MYO5A: variants seen among roughly 807,000 people sequenced by gnomAD.
The protein encoded by MYO5A is unconventional myosin-Va.
MYO5A carries 98 observed loss-of-function variants against 249.7 expected under a neutral mutation model. The ratio of observed to expected loss-of-function variants is 0.39; its 90% confidence interval spans 0.33 to 0.46. MYO5A has a LOEUF of 0.46. MYO5A is among the 20% of genes least tolerant of loss of function. The pLI, the probability that MYO5A is intolerant of heterozygous loss-of-function variation, is 0.98. For synonymous variants in MYO5A, 778 were observed against 810.6 expected (o/e 0.96, Z 0.68); for missense variants, 1,696 against 2,308.8 (o/e 0.73, Z 5.44).
chr15:52,324,938 G>T (rs1241199447), intron 36 of MYO5A, among the ~76,000 whole-genome samples: 1 of 152,060 alleles, frequency 6.6e-6, no homozygotes, highest in Non-Finnish European at 1.5e-5. Context: ...AAAGACCTAG[G>T]TATATAGTCT....
chr15:52,363,509 G>A (rs1233253579), intron 24 of MYO5A, among the ~76,000 whole-genome samples: 1 of 152,172 alleles, frequency 6.6e-6, no homozygotes, highest in Admixed American at 6.5e-5. Context: ...GGTGATGAGA[G>A]CCTATCTTTT....
intron 14 of MYO5A, chr15:52,387,610 C>T (rs1358982956): frequency 2.0e-6 from 1 of 503,444 alleles, no homozygotes; most frequent in Non-Finnish European, 3.6e-6. Context: ...GTCTCAGGTG[C>T]CTCATCCATA....
At chr15:52,340,636 G>A (rs1567034580) in intron 31 of MYO5A, among the ~76,000 whole-genome samples, 2 of 152,256 alleles carry the variant, frequency 1.3e-5, no homozygotes, top group East Asian at 3.9e-4. Flanking sequence ...AAACAGGAGA[G>A]TTTTAGTTCT....
At chr15:52,417,784 C>T (rs986172856) in intron 4 of MYO5A, among the ~76,000 whole-genome samples, 1 of 152,176 alleles carries the variant, frequency 6.6e-6, no homozygotes, top group African/African-American at 2.4e-5. Flanking sequence ...TACTGAATGA[C>T]CTTTGCCAGA....
chr15:52,507,743 G>A (rs775492057), intron 1 of MYO5A, among the ~76,000 whole-genome samples: 23 of 143,814 alleles, frequency 1.6e-4, no homozygotes, highest in Non-Finnish European at 3.1e-4. Context: ...GGTCGAGGCT[G>A]CAGTGAGCCA....
rs531394816 is a variant in MYO5A, at chr15:52,482,004, C to T, written c.27+46776G>A. On this transcript the variant is annotated intron_variant, in intron 1 of 41. Transcript: ENST00000399233. ...AAGAACATGATTCAGTCAGCAAGAA[C>T]TTGGCTCACTCAGCATGATAACTGG... Among the ~76,000 whole-genome samples the T allele has an allele frequency of 5.3e-5, 8 of 152,308 alleles. No homozygotes were observed. The East Asian group carries it at 1.5e-3, about 29-fold the overall frequency.
chr15:52,456,360 G>T lies in MYO5A; in HGVS notation c.28-23075C>A, dbSNP rs568628082. On this transcript the variant is annotated intron_variant, in intron 1 of 41. Transcript: ENST00000399233. Reference sequence around the variant, plus strand: ...GATATTCCATGCTTGTGGATGAAAAGACTTAATTTTGTTAAAATGCCAGTA... The same window carrying T: ...GATATTCCATGCTTGTGGATGAAAATACTTAATTTTGTTAAAATGCCAGTA... Among the ~76,000 whole-genome samples the T allele has an allele frequency of 3.3e-5, 5 of 152,176 alleles. No individual in the cohort carries two copies. The South Asian group carries it at 1.0e-3, about 32-fold the overall frequency.
chr15:52,471,865 A>G (rs1362607463), intron 1 of MYO5A, among the ~76,000 whole-genome samples: 1 of 151,642 alleles, frequency 6.6e-6, no homozygotes, highest in African/African-American at 2.4e-5. Context: ...TGCGTGGCGA[A>G]TTTTTTAATT....
intron 1 of MYO5A, among the ~76,000 whole-genome samples, chr15:52,494,221 C>T (rs1487885884): frequency 6.6e-6 from 1 of 152,098 alleles, no homozygotes; most frequent in African/African-American, 2.4e-5. Context: ...CAAAACATTC[C>T]CTATTACTAA....
chr15:52,325,301 AAG>A (rs1274847538), intron 36 of MYO5A, among the ~76,000 whole-genome samples: 1 of 152,152 alleles, frequency 6.6e-6, no homozygotes, highest in Non-Finnish European at 1.5e-5. Flanking sequence ...ACCTATACTG[AAG>A]AGTTACCAGA....
chr15:52,409,242 CA>C (rs1219404488), intron 6 of MYO5A, among the ~76,000 whole-genome samples: 1 of 152,006 alleles, frequency 6.6e-6, no homozygotes, highest in Non-Finnish European at 1.5e-5. Flanking sequence ...CCTGCTTACT[CA>C]CTTACCTATC....
At chr15:52,421,674 T>C (rs1269717000) in intron 4 of MYO5A, among the ~76,000 whole-genome samples, 1 of 152,156 alleles carries the variant, frequency 6.6e-6, no homozygotes. Flanking sequence ...CTCCCTACCA[T>C]GGTCTCCCCT....
intron 35 of MYO5A, 44 bp downstream of exon 35, chr15:52,330,309 C>T (rs202101578): frequency 1.5e-4 from 246 of 1,613,396 alleles, no homozygotes; most frequent in Middle Eastern, 3.3e-4. Context: ...CACCATTAAC[C>T]CATGTGCCAG....
At chr15:52,393,157 C>T (rs1427898550) in intron 11 of MYO5A, among the ~76,000 whole-genome samples, 2 of 152,160 alleles carry the variant, frequency 1.3e-5, no homozygotes, top group Non-Finnish European at 2.9e-5. Context: ...TTTCTGCCTT[C>T]CTTTACTTAT....
At chr15:52,432,882 C>G (rs879279846) in intron 2 of MYO5A, among the ~76,000 whole-genome samples, 1 of 152,112 alleles carries the variant, frequency 6.6e-6, no homozygotes, top group Non-Finnish European at 1.5e-5. Context: ...CCATAGCACA[C>G]CAGTTAAATG....
intron 30 of MYO5A, among the ~76,000 whole-genome samples, chr15:52,345,021 A>G (rs1436834004): frequency 6.6e-6 from 1 of 152,254 alleles, no homozygotes; most frequent in Non-Finnish European, 1.5e-5. Flanking sequence ...TTTTATAAGC[A>G]TTCTCCACCC....
intron 1 of MYO5A, among the ~76,000 whole-genome samples, chr15:52,459,778 C>T (rs561418325): frequency 2.7e-5 from 4 of 147,974 alleles, no homozygotes; most frequent in South Asian, 2.2e-4. Flanking sequence ...CCAGACGGGG[C>T]GGCGGCCGGG....
chr15:52,319,507 G>T (rs2038200234), intron 38 of MYO5A, among the ~76,000 whole-genome samples, 165 bp from the exon 39 acceptor site: 1 of 152,134 alleles, frequency 6.6e-6, no homozygotes, highest in African/African-American at 2.4e-5. Flanking sequence ...GAGGTGGGTG[G>T]ATCACTGGAG....
At chr15:52,404,180 G>A (rs762987560) in intron 9 of MYO5A, among the ~76,000 whole-genome samples, 2 of 148,804 alleles carry the variant, frequency 1.3e-5, no homozygotes, top group African/African-American at 5.0e-5. Flanking sequence ...CAGAAGAATC[G>A]CCTGAACCCA....
Sources: gnomAD v4.1 joint callset for allele counts (sites outside exome capture counted in the v4.1 genomes callset) on GRCh38, gnomAD v4.1.1 for gene constraint, MANE v1.5 for transcripts, NCBI Gene and HGNC (gene_info 2026-07-23, HGNC 2026-07-21) for gene names.